The following WDFY1 variants were observed in gnomAD, a reference collection of about 807,000 sequenced individuals.
The protein encoded by WDFY1 is WD repeat and FYVE domain-containing protein 1.
In WDFY1, 32 loss-of-function variants were observed where a neutral mutation model predicts 56.4. The observed-to-expected ratio is 0.57, with a 90% CI of 0.43 to 0.76. The LOEUF is 0.76. Among genes scored for constraint, WDFY1 ranks in the 30% least tolerant of loss-of-function variants. The pLI is 0.00. For missense variants in WDFY1, 480 were observed against 545.7 expected (o/e 0.88, Z 1.20); for synonymous variants, 192 against 197.3 (o/e 0.97, Z 0.23).
At position 223,875,429 on chromosome 2, in the gene WDFY1, G is replaced by A. The variant is rs1213861613; in HGVS notation, c.*3242C>T. 2 of 148,474 alleles carry A rather than the reference G, an allele frequency of 1.3e-5. No homozygotes were observed. Among genetic ancestry groups the A allele is most frequent in the African/African-American group, 4.9e-5 (2 of 40,680 alleles). 9.2% of individuals were successfully genotyped at this position (148,474 alleles called of 1,614,324 possible). On this transcript the variant is annotated 3_prime_UTR_variant, in exon 12 of 12. Coordinates refer to ENST00000233055, the MANE Select transcript of WDFY1 (RefSeq NM_020830.5). ...AACAGAACCCACAAATAGGAGCAAA[G>A]AACAGTTTTCTAGCATCTCTGGGAT...
chr2:223,944,975 G>A (rs1253420144), intron 1 of WDFY1, among the ~76,000 whole-genome samples, 173 bp downstream of exon 1: 1 of 152,152 alleles, frequency 6.6e-6, no homozygotes, highest in Non-Finnish European at 1.5e-5. Flanking sequence ...CGAGGCTGGA[G>A]GACCGGCGGG....
chr2:223,928,219 T>C (rs958145433), intron 1 of WDFY1, among the ~76,000 whole-genome samples: 2 of 152,104 alleles, frequency 1.3e-5, no homozygotes, highest in Non-Finnish European at 2.9e-5. Context: ...ATGGCACAGA[T>C]AGACTTGCCT....
intron 8 of WDFY1, among the ~76,000 whole-genome samples, chr2:223,889,354 T>C (rs1018595317): frequency 6.6e-6 from 1 of 152,204 alleles, no homozygotes; most frequent in Non-Finnish European, 1.5e-5. Flanking sequence ...TCAACTTCTC[T>C]GTGCCTAGGT....
At chr2:223,900,956 T>TA (rs1491424996) in intron 5 of WDFY1, 1 of 475,254 alleles carries the variant, frequency 2.1e-6, no homozygotes, top group Non-Finnish European at 3.7e-6. Context: ...ACAGCAAACT[T>TA]ACGGAAGTTC....
At chr2:223,897,388 A>ATTTTTTTTTTT (rs1474375997) in intron 6 of WDFY1, among the ~76,000 whole-genome samples, 1 of 125,084 alleles carries the variant, frequency 8.0e-6, no homozygotes, top group Non-Finnish European at 1.6e-5. Flanking sequence ...ATATATATAT[A>ATTTTTTTTTTT]TATTTTTTAA....
At chr2:223,925,937 T>G (rs903881746) in intron 1 of WDFY1, among the ~76,000 whole-genome samples, 7 of 152,224 alleles carry the variant, frequency 4.6e-5, no homozygotes, top group Non-Finnish European at 8.8e-5. Context: ...TTTCCACATC[T>G]GCAGTTACTG....
intron 1 of WDFY1, among the ~76,000 whole-genome samples, chr2:223,922,680 C>T (rs1001204870): frequency 6.6e-6 from 1 of 152,150 alleles, no homozygotes; most frequent in African/African-American, 2.4e-5. Context: ...GTGTAGGTGG[C>T]TCAAAGGATC....
At position 223,893,961 on chromosome 2, in the gene WDFY1, A is replaced by T. The variant is rs369775228; in HGVS notation, c.831+273T>A. Reference sequence around the variant, plus strand: ...ACTGGATATGCCAGAAATCTGTCTCAAAGTGTTATCTCAGTGTATTGCTCA... The same window carrying T: ...ACTGGATATGCCAGAAATCTGTCTCTAAGTGTTATCTCAGTGTATTGCTCA... On this transcript the variant is annotated intron_variant, in intron 8 of 11. Transcript: ENST00000233055. Among the ~76,000 whole-genome samples, 9 of 152,368 alleles carry T rather than the reference A, an allele frequency of 5.9e-5. No individual in the cohort carries two copies. In the East Asian group the frequency reaches 1.5e-3, roughly 26 times the overall value.
chr2:223,887,271 C>A (rs748084905), intron 8 of WDFY1, among the ~76,000 whole-genome samples: 2 of 152,078 alleles, frequency 1.3e-5, no homozygotes, highest in Non-Finnish European at 2.9e-5. Context: ...TATTTAATTG[C>A]CGGAAGAAGG....
At chr2:223,919,606 C>G (rs1341539191) in intron 1 of WDFY1, among the ~76,000 whole-genome samples, 3 of 152,154 alleles carry the variant, frequency 2.0e-5, no homozygotes, top group African/African-American at 4.8e-5. Context: ...ACTTCCCAGA[C>G]TCAAGCAATC....
Position 223,894,275 on chromosome 2 carries a change from C to T in WDFY1, c.790G>A (p.Gly264Ser). Reference protein sequence around the residue: ...TRQLVSCSSDGGIAVWNMDVS... With the variant: ...TRQLVSCSSDSGIAVWNMDVS... Reference sequence around the variant, plus strand: ...TCCATGTTCCACACTGCAATTCCGCCGTCCGAGGAACAGGAGACGAGCTGC... The same window carrying T: ...TCCATGTTCCACACTGCAATTCCGCTGTCCGAGGAACAGGAGACGAGCTGC... Residue 264 changes from glycine (G) to serine (S), a missense_variant, in exon 8 of 12, where the codon GGC becomes AGC. Coordinates refer to ENST00000233055, the MANE Select transcript of WDFY1 (RefSeq NM_020830.5). 1.2e-6 allele frequency: 2 copies of T among 1,614,178 alleles called. No homozygotes were observed. The highest frequency in any genetic ancestry group is 1.3e-5 in the African/African-American group (1 of 75,062).
At chr2:223,930,087 C>G (rs1413889334) in intron 1 of WDFY1, among the ~76,000 whole-genome samples, 1 of 152,202 alleles carries the variant, frequency 6.6e-6, no homozygotes, top group African/African-American at 2.4e-5. Flanking sequence ...TCAAAGCTCA[C>G]TTGGTTCAAA....
At chr2:223,904,610 T>C (rs1693567249) in intron 4 of WDFY1, among the ~76,000 whole-genome samples, 1 of 152,160 alleles carries the variant, frequency 6.6e-6, no homozygotes, top group African/African-American at 2.4e-5. Context: ...AAAAGCAATT[T>C]GGCCTTCTTA....
chr2:223,879,129 C>G (rs989374702), intron 11 of WDFY1, among the ~76,000 whole-genome samples: 2 of 152,144 alleles, frequency 1.3e-5, no homozygotes, highest in African/African-American at 4.8e-5. Flanking sequence ...AGAGGTTGCA[C>G]TGAACCGAGG....
At chr2:223,912,177 C>T in intron 3 of WDFY1, 76 bp downstream of exon 3, 1 of 1,426,828 alleles carries the variant, frequency 7.0e-7, no homozygotes, top group Middle Eastern at 2.1e-4. Context: ...GTTAACTGGC[C>T]AATATGGGAC....
intron 4 of WDFY1, 131 bp from the exon 5 acceptor site, chr2:223,901,464 C>T: frequency 9.2e-7 from 1 of 1,087,348 alleles, no homozygotes; most frequent in South Asian, 1.7e-5. Flanking sequence ...AAATGCCTGT[C>T]CTCTGTGAGT....
At chr2:223,932,389 T>C (rs1296074834) in intron 1 of WDFY1, among the ~76,000 whole-genome samples, 2 of 152,148 alleles carry the variant, frequency 1.3e-5, no homozygotes, top group Non-Finnish European at 2.9e-5. Flanking sequence ...CCCAAAGTGC[T>C]GGGATTACAG....
chr2:223,917,821 C>A, intron 2 of WDFY1, 122 bp downstream of exon 2: 1 of 1,100,378 alleles, frequency 9.1e-7, no homozygotes, highest in Non-Finnish European at 1.3e-6. Flanking sequence ...ATCTACCCGC[C>A]TTGGCCTCTC....
At chr2:223,901,447 G>A (rs1245853946) in intron 4 of WDFY1, 114 bp from the exon 5 acceptor site, 1 of 1,268,724 alleles carries the variant, frequency 7.9e-7, no homozygotes, top group Non-Finnish European at 1.1e-6. Flanking sequence ...GTACAAGAGT[G>A]TACTGGAAAT....
Sources: gnomAD v4.1 joint callset for allele counts (sites outside exome capture counted in the v4.1 genomes callset) on GRCh38, gnomAD v4.1.1 for gene constraint, MANE v1.5 for transcripts, NCBI Gene and HGNC (gene_info 2026-07-23, HGNC 2026-07-21) for gene names.